Variants in DMBT1 observed in about 807,000 individuals in gnomAD.
DMBT1 encodes the protein deleted in malignant brain tumors 1, also known as scavenger receptor cysteine-rich domain-containing protein DMBT1.
Under a neutral mutation model 252.9 loss-of-function variants are expected in DMBT1, and 198 were observed. The observed-to-expected ratio is 0.78, with a 90% confidence interval of 0.70 to 0.88. The LOEUF (loss-of-function observed/expected upper bound fraction) is 0.88. DMBT1 is among the 40% of genes least tolerant of loss of function. The pLI, the probability that DMBT1 is intolerant of heterozygous loss-of-function variation, is 0.00. For synonymous variants in DMBT1, 990 were observed against 942.7 expected, an observed-to-expected ratio of 1.05 and a Z score of -0.92; for missense variants, 2,432 against 2,404.7, an observed-to-expected ratio of 1.01 and a Z score of -0.24.
intron 20 of DMBT1, among the ~76,000 whole-genome samples, 170 bp from the exon 21 acceptor site, chr10:122,593,399 C>T (rs2097867841): frequency 6.8e-6 from 1 of 148,064 alleles, no homozygotes; most frequent in Admixed American, 6.7e-5. Flanking sequence ...CTGCCTCGAC[C>T]CCTTACACGG....
At chr10:122,570,317 A>G in intron 3 of DMBT1, 108 bp downstream of exon 3, 1 of 987,342 alleles carries the variant, frequency 1.0e-6, no homozygotes, top group Admixed American at 1.8e-5. Flanking sequence ...CAACTCTGGC[A>G]TTCAGTGTTT....
intron 1 of DMBT1, among the ~76,000 whole-genome samples, chr10:122,561,273 G>A (rs962117319): frequency 6.6e-6 from 1 of 152,178 alleles, no homozygotes; most frequent in African/African-American, 2.4e-5. Context: ...TGTCTGGCTT[G>A]ATGGCTAATA....
At chr10:122,577,164 A>T (rs1319882018) in intron 7 of DMBT1, among the ~76,000 whole-genome samples, 1 of 151,994 alleles carries the variant, frequency 6.6e-6, no homozygotes, top group East Asian at 1.9e-4. Context: ...CATCCGCATA[A>T]CTCATACCCC....
At chr10:122,570,960 C>T (rs1358899937) in intron 4 of DMBT1, 23 bp downstream of exon 4, 2 of 1,610,440 alleles carry the variant, frequency 1.2e-6, no homozygotes, top group Admixed American at 1.7e-5. Flanking sequence ...ATGGGGGATC[C>T]CTGTGGGCTC....
At chr10:122,573,338 A>G (rs1358584644) in intron 5 of DMBT1, among the ~76,000 whole-genome samples, 1 of 152,042 alleles carries the variant, frequency 6.6e-6, no homozygotes, top group African/African-American at 2.4e-5. Context: ...CCACCTTCTC[A>G]GAAATATTTC....
chr10:122,622,079 G>T (rs780073005), intron 44 of DMBT1, among the ~76,000 whole-genome samples: 1 of 152,190 alleles, frequency 6.6e-6, no homozygotes, highest in African/African-American at 2.4e-5. Flanking sequence ...GCTAAAACCT[G>T]CAAGGGAAAG....
chr10:122,633,291 C>T lies in DMBT1; in HGVS notation c.6498C>T (p.Asp2166=). The T allele has an allele frequency of 6.2e-7, 1 of 1,613,958 alleles. No individual in the cohort carries two copies. Among genetic ancestry groups the T allele is most frequent in the Non-Finnish European group, 8.5e-7 (1 of 1,179,904 alleles). The change falls in exon 52 of 56, where the codon GAC becomes GAT. Residue 2166 remains aspartate, a synonymous_variant. Coordinates refer to ENST00000338354, the MANE Select transcript of DMBT1 (RefSeq NM_001377530.1). ...NYPNNAKCVW[D]IEVQNNYRVT... ...CAAACAATGCCAAGTGTGTGTGGGA[C>T]ATTGAGGTGCAAAACAACTACCGTG...
intron 41 of DMBT1, among the ~76,000 whole-genome samples, 162 bp downstream of exon 41, chr10:122,618,502 A>C (rs1405481233): frequency 6.6e-5 from 10 of 152,240 alleles, no homozygotes; most frequent in Admixed American, 6.5e-4. Flanking sequence ...ATTTTGCTAC[A>C]GTACCTGGTG....
intron 43 of DMBT1, 32 bp downstream of exon 43, chr10:122,620,323 C>T: frequency 6.2e-7 from 1 of 1,610,774 alleles, no homozygotes. Context: ...CCCTAGGGCT[C>T]ACTCTCTACC....
chr10:122,591,164 C>A (rs369975244), intron 18 of DMBT1, among the ~76,000 whole-genome samples: 1 of 148,646 alleles, frequency 6.7e-6, no homozygotes, highest in Non-Finnish European at 1.5e-5. Context: ...TAGTTTCAAG[C>A]GTGAGAGGCT....
At chr10:122,576,945 C>T (rs79802559) in intron 7 of DMBT1, among the ~76,000 whole-genome samples, 2,299 of 152,294 alleles carry the variant, frequency 0.015, 74 homozygotes, top group East Asian at 0.13. Flanking sequence ...ACTCCAGGGC[C>T]CCCGCCCAAG....
intron 41 of DMBT1, 45 bp from the exon 42 acceptor site, chr10:122,619,259 ATTTT>A: frequency 6.2e-7 from 1 of 1,613,174 alleles, no homozygotes; most frequent in Non-Finnish European, 8.5e-7. Context: ...CAGTTTTGCC[ATTTT>A]CTGTATAGTG....
rs1340800102 is a variant in DMBT1 at position 122,573,653 on chromosome 10, T to C, written c.236-62T>C. 6 of 1,598,038 alleles carry C rather than the reference T, an allele frequency of 3.8e-6. No homozygotes were observed. In the East Asian group the frequency reaches 1.3e-4, roughly 36 times the overall value. ...CCTTGCTTCAGAGCTGAGCAAGCCCTGGACCAACCCTCCCCAAGCGAGGGC... is the reference window on the plus strand; with the variant it reads ...CCTTGCTTCAGAGCTGAGCAAGCCCCGGACCAACCCTCCCCAAGCGAGGGC... On this transcript the variant is annotated intron_variant, in intron 5 of 55. Coordinates refer to ENST00000338354, the MANE Select transcript of DMBT1 (RefSeq NM_001377530.1).
At chr10:122,600,873 G>T (rs376269908) in intron 27 of DMBT1, 118 bp from the exon 28 acceptor site, 2 of 727,486 alleles carry the variant, frequency 2.7e-6, no homozygotes, top group East Asian at 2.6e-5. Context: ...TGGGAAGCAA[G>T]TGGCAGGAAC....
chr10:122,578,686 A>G (rs764127003), intron 8 of DMBT1, 32 bp from the exon 9 acceptor site: 3 of 1,589,474 alleles, frequency 1.9e-6, no homozygotes, highest in Admixed American at 3.5e-5. Context: ...TTCAAGTCCA[A>G]TTGTATCCTT....
At chr10:122,598,288 A>T (rs567673900) in intron 25 of DMBT1, among the ~76,000 whole-genome samples, 3 of 152,164 alleles carry the variant, frequency 2.0e-5, no homozygotes, top group Admixed American at 6.5e-5. Flanking sequence ...GGGTTCCCTA[A>T]TCCTACTAAG....
At position 122,643,197 on chromosome 10, in the gene DMBT1, C is replaced by T; in HGVS notation, c.7428C>T (p.Phe2476=). ...LRIARFRFRA[F]HFLNRFPSVY... is the part of the protein sequence containing the mutation. Reference sequence around the variant, plus strand: ...TTGCCCGCTTCCGGTTCAGGGCCTTCCACTTCCTGAACCGCTTCCCCTCCG... The same window carrying T: ...TTGCCCGCTTCCGGTTCAGGGCCTTTCACTTCCTGAACCGCTTCCCCTCCG... The change falls in exon 56 of 56, where the codon TTC becomes TTT. Residue 2476 remains phenylalanine, a synonymous_variant. Transcript: ENST00000338354. 1 of 1,613,962 alleles carries T rather than the reference C, an allele frequency of 6.2e-7. No homozygotes were observed.
intron 27 of DMBT1, among the ~76,000 whole-genome samples, chr10:122,600,544 G>A (rs114298343): frequency 0.017 from 2,575 of 152,296 alleles, 85 homozygotes; most frequent in East Asian, 0.13. Context: ...ATCCAGAAAA[G>A]GCAGAGTTTG....
chr10:122,630,552 G>A (rs1217174703), intron 48 of DMBT1, 62 bp downstream of exon 48: 14 of 1,545,550 alleles, frequency 9.1e-6, no homozygotes, highest in Non-Finnish European at 1.2e-5. Context: ...CCTCTTTGGG[G>A]GCACCATGGT....
Sources: allele counts gnomAD v4.1 joint callset (sites outside exome capture counted in the v4.1 genomes callset), GRCh38; gene constraint gnomAD v4.1.1; transcripts MANE v1.5; gene names NCBI Gene and HGNC (gene_info 2026-07-23, HGNC 2026-07-21).